KIAA1217: variants seen among roughly 807,000 people sequenced by gnomAD.
KIAA1217 encodes the protein sickle tail protein homolog.
In KIAA1217, 88 loss-of-function variants were observed where a neutral mutation model predicts 163.9. The ratio of observed to expected loss-of-function variants is 0.54; its 90% CI spans 0.45 to 0.64. The LOEUF is 0.64. KIAA1217 is among the 30% of genes least tolerant of loss of function. KIAA1217 has a pLI of 0.00. For missense variants in KIAA1217, 2,372 were observed against 2,475.0 expected (o/e 0.96, Z 0.88); for synonymous variants, 903 against 923.1 (o/e 0.98, Z 0.39).
rs34410717 is a variant in KIAA1217, at chr10:24,319,375, C to CAAAAAA, written c.355-61469_355-61464dup. Among the ~76,000 whole-genome samples the CAAAAAA allele has an allele frequency of 2.0e-4, 9 of 45,834 alleles. 1 individual carries two copies. The highest frequency in any genetic ancestry group is 3.2e-4 in the Non-Finnish European group (7 of 22,012). 30.1% of individuals were successfully genotyped at this position (45,834 alleles called of 152,430 possible). ...TGGGTGACAGAGCGAGACGTTGTCT[C>CAAAAAA]AAAAAAAAAAAAAAAAAAAAAAAAA... On this transcript the variant is annotated intron_variant, in intron 2 of 20. Transcript: ENST00000376454.
intron 2 of KIAA1217, among the ~76,000 whole-genome samples, chr10:24,021,379 G>A (rs561944099): frequency 1.8e-4 from 27 of 151,384 alleles, no homozygotes; most frequent in Middle Eastern, 3.4e-3. Flanking sequence ...AATACTTTAG[G>A]TATAAATCTA....
At chr10:24,207,282 T>TCTCTCACACACA (rs529791287), upstream of KIAA1217, among the ~76,000 whole-genome samples, 31 of 140,236 alleles carry the variant, frequency 2.2e-4, no homozygotes, top group African/African-American at 8.0e-4. Context: ...TCTCTCTCTC[T>TCTCTCACACACA]CACACACACA....
At chr10:24,495,256 T>C in intron 8 of KIAA1217, 60 bp downstream of exon 8, 4 of 1,378,852 alleles carry the variant, frequency 2.9e-6, no homozygotes, top group Non-Finnish European at 4.1e-6. Flanking sequence ...GAGCCCTGGC[T>C]GGTCTCAGAA....
intron 1 of KIAA1217, among the ~76,000 whole-genome samples, chr10:23,897,945 C>A (rs527536045): frequency 6.6e-4 from 101 of 152,052 alleles, no homozygotes; most frequent in African/African-American, 2.3e-3. Context: ...TTTAAAAACG[C>A]TCTCTCCTGA....
intron 1 of KIAA1217, among the ~76,000 whole-genome samples, chr10:23,947,989 ACG>A (rs1844134637): frequency 1.3e-5 from 2 of 152,220 alleles, no homozygotes; most frequent in Non-Finnish European, 2.9e-5. Context: ...GGGCTCAGAA[ACG>A]TGTCTTCCAC....
intron 1 of KIAA1217, among the ~76,000 whole-genome samples, chr10:23,886,587 C>T (rs1199607276): frequency 2.0e-5 from 3 of 151,884 alleles, no homozygotes; most frequent in African/African-American, 4.8e-5. Context: ...AGAGAGAAAT[C>T]GTATTCACCC....
At chr10:24,409,201 C>G (rs2057519667) in intron 3 of KIAA1217, among the ~76,000 whole-genome samples, 2 of 152,236 alleles carry the variant, frequency 1.3e-5, no homozygotes, top group South Asian at 4.2e-4. Flanking sequence ...TTTTCCAAAA[C>G]CAAGTACCCT....
intron 2 of KIAA1217, among the ~76,000 whole-genome samples, chr10:24,197,312 G>A (rs1048188694): frequency 1.2e-4 from 18 of 152,196 alleles, no homozygotes; most frequent in African/African-American, 4.3e-4. Context: ...TTAATGCCAT[G>A]TGATGTGCCT....
intron 2 of KIAA1217, among the ~76,000 whole-genome samples, chr10:24,077,228 T>G (rs1263746949): frequency 6.6e-6 from 1 of 152,044 alleles, no homozygotes; most frequent in Non-Finnish European, 1.5e-5. Flanking sequence ...GATGTGCAGG[T>G]TTGTTACCAG....
intron 1 of KIAA1217, among the ~76,000 whole-genome samples, chr10:23,788,542 G>A (rs1007189108): frequency 6.6e-6 from 1 of 152,222 alleles, no homozygotes; most frequent in Non-Finnish European, 1.5e-5. Flanking sequence ...TGCCCACTGT[G>A]ACATTATCCT....
At chr10:23,922,035 C>A (rs763999233) in intron 1 of KIAA1217, among the ~76,000 whole-genome samples, 2 of 151,976 alleles carry the variant, frequency 1.3e-5, no homozygotes, top group Non-Finnish European at 2.9e-5. Flanking sequence ...AGTGTCAGAA[C>A]TTTCACCCCC....
intron 1 of KIAA1217, among the ~76,000 whole-genome samples, chr10:23,825,769 G>A (rs1837868222): frequency 6.6e-6 from 1 of 152,166 alleles, no homozygotes; most frequent in South Asian, 2.1e-4. Context: ...AAAAATAGTG[G>A]TAAAACGTGG....
intron 2 of KIAA1217, among the ~76,000 whole-genome samples, chr10:24,288,477 C>T (rs556410484): frequency 5.9e-5 from 9 of 152,314 alleles, no homozygotes; most frequent in Non-Finnish European, 1.0e-4. Context: ...GTCCACACGC[C>T]GGCCAATAGA....
chr10:24,148,749 T>G (rs2064460063), intron 2 of KIAA1217, among the ~76,000 whole-genome samples: 1 of 152,170 alleles, frequency 6.6e-6, no homozygotes, highest in Non-Finnish European at 1.5e-5. Flanking sequence ...AAATAAGCCC[T>G]CTGTTTTTTT....
At chr10:24,177,291 ATATATATT>A (rs71397931) in intron 2 of KIAA1217, among the ~76,000 whole-genome samples, 9,084 of 85,250 alleles carry the variant, frequency 0.11, 847 homozygotes, top group Non-Finnish European at 0.16. Context: ...ATATATATAT[ATATATATT>A]ACAATTTCTT....
intron 4 of KIAA1217, among the ~76,000 whole-genome samples, chr10:24,436,464 C>CAAAAAAA (rs34617087): frequency 7.2e-6 from 1 of 138,624 alleles, no homozygotes. Context: ...TTATATAAGA[C>CAAAAAAA]AAAAAAAAAA....
intron 1 of KIAA1217, among the ~76,000 whole-genome samples, chr10:23,972,897 A>G (rs1197924971): frequency 6.6e-6 from 1 of 151,996 alleles, no homozygotes; most frequent in African/African-American, 2.4e-5. Context: ...CATAAGTGGG[A>G]GTTGAACAAT....
chr10:24,404,033 C>T (rs2056882047), intron 3 of KIAA1217, among the ~76,000 whole-genome samples: 1 of 152,126 alleles, frequency 6.6e-6, no homozygotes, highest in Non-Finnish European at 1.5e-5. Flanking sequence ...CACAGTTCCA[C>T]CATAGCCCCC....
chr10:23,993,408 C>T (rs1420830509), intron 1 of KIAA1217, among the ~76,000 whole-genome samples: 1 of 152,076 alleles, frequency 6.6e-6, no homozygotes, highest in Non-Finnish European at 1.5e-5. Context: ...GTCTTCTCTC[C>T]TCTCTTGTTC....
Sources: gnomAD v4.1 joint callset for allele counts (sites outside exome capture counted in the v4.1 genomes callset) on GRCh38, gnomAD v4.1.1 for gene constraint, MANE v1.5 for transcripts, NCBI Gene and HGNC (gene_info 2026-07-23, HGNC 2026-07-21) for gene names.